Variants in GABRA1 observed in about 807,000 individuals in gnomAD.
GABRA1 encodes the protein gamma-aminobutyric acid receptor subunit alpha-1.
In GABRA1, 9 loss-of-function variants were observed where a neutral mutation model predicts 48.9. The observed-to-expected ratio is 0.18, with a 90% confidence interval of 0.11 to 0.32. The LOEUF (loss-of-function observed/expected upper bound fraction) is 0.32. Ranked by LOEUF, GABRA1 falls within the 10% of genes least tolerant of loss-of-function variation. The pLI, the probability that GABRA1 is intolerant of heterozygous loss-of-function variation, is 1.00. For synonymous variants in GABRA1, 210 were observed against 198.7 expected (o/e 1.06, Z -0.48); for missense variants, 285 against 553.8 (o/e 0.51, Z 4.87).
chr5:161,848,505 C>CGGGGGGGGGGG (rs35469580), intron 1 of GABRA1, 83 bp downstream of exon 1: 6 of 30,702 alleles, frequency 2.0e-4, no homozygotes, highest in African/African-American at 3.1e-4. Flanking sequence ...ATGTTATAGT[C>CGGGGGGGGGGG]GGGGGGGGGG....
rs774147411 is a variant in GABRA1, at chr5:161,875,656, T to C, written c.559+14T>C. ...AATTTGGAAGTTGTGAGTAAATTTA[T>C]ATGGACTTTTCTTGATTGTAAGTCA... On this transcript the variant is annotated intron_variant, in intron 6 of 9. Coordinates refer to ENST00000393943, the MANE Select transcript of GABRA1 (RefSeq NM_001127644.2). 6 of 1,576,726 alleles carry C rather than the reference T, an allele frequency of 3.8e-6. No homozygotes were observed. In the South Asian group the frequency reaches 6.6e-5, roughly 17 times the overall value.
intron 3 of GABRA1, among the ~76,000 whole-genome samples, chr5:161,864,078 G>A (rs772928885): frequency 6.6e-6 from 1 of 152,016 alleles, no homozygotes. Context: ...AGAGAGGAAA[G>A]TATAAGGAGG....
At chr5:161,855,420 A>G (rs568617494) in intron 3 of GABRA1, among the ~76,000 whole-genome samples, 22 of 151,662 alleles carry the variant, frequency 1.5e-4, no homozygotes, top group Admixed American at 5.3e-4. Flanking sequence ...CAACCCAAAT[A>G]TATGTCAAAG....
At chr5:161,895,980 CT>C (rs1364476004) in intron 9 of GABRA1, 112 bp downstream of exon 9, 3 of 911,776 alleles carry the variant, frequency 3.3e-6, no homozygotes, top group Admixed American at 1.8e-5. Flanking sequence ...AATAAGGATT[CT>C]TTTTTTCTTA....
intron 1 of GABRA1, 29 bp from the exon 2 acceptor site, chr5:161,850,767 C>T (rs751898261): frequency 6.5e-7 from 1 of 1,549,316 alleles, no homozygotes; most frequent in Non-Finnish European, 8.9e-7. Flanking sequence ...TTGCTAGAGA[C>T]ATTGATCTCT....
At chr5:161,882,092 T>C (rs954490696) in intron 6 of GABRA1, 2 of 187,412 alleles carry the variant, frequency 1.1e-5, no homozygotes, top group Admixed American at 5.4e-5. Flanking sequence ...TTTGTATAAA[T>C]GTTACCTCCT....
Position 161,863,727 on chromosome 5 carries a change from G to GT in GABRA1, c.188-1988dup, listed in dbSNP as rs139718781. Among the ~76,000 whole-genome samples, 124 of 151,664 alleles carry GT rather than the reference G, an allele frequency of 8.2e-4. 1 individual carries two copies. In the East Asian group the frequency reaches 0.019, roughly 23 times the overall value. On this transcript the variant is annotated intron_variant, in intron 3 of 9. Coordinates refer to ENST00000393943, the MANE Select transcript of GABRA1 (RefSeq NM_001127644.2). ...TTTACTTGTTTTCATGTCTTTCTGA[G>GT]TTTTTTAAACTTATATTTTGAAGCT...
At chr5:161,862,857 A>C (rs932780179) in intron 3 of GABRA1, among the ~76,000 whole-genome samples, 3 of 152,108 alleles carry the variant, frequency 2.0e-5, no homozygotes, top group Middle Eastern at 3.4e-3. Context: ...TTCATCCAAA[A>C]TGTAAGAATA....
At chr5:161,883,928 A>C (rs1489235799) in intron 7 of GABRA1, among the ~76,000 whole-genome samples, 1 of 151,940 alleles carries the variant, frequency 6.6e-6, no homozygotes, top group African/African-American at 2.4e-5. Context: ...TCTTATTTCA[A>C]ATCCAAGTGG....
chr5:161,873,603 C>T (rs1754219229), intron 5 of GABRA1, among the ~76,000 whole-genome samples: 1 of 152,124 alleles, frequency 6.6e-6, no homozygotes, highest in Non-Finnish European at 1.5e-5. Context: ...AACTTCCTCT[C>T]CCTACTATAA....
chr5:161,863,157 G>GTATA (rs142805282), intron 3 of GABRA1, among the ~76,000 whole-genome samples: 9 of 150,474 alleles, frequency 6.0e-5, no homozygotes, highest in African/African-American at 1.9e-4. Flanking sequence ...TAGTATTTGT[G>GTATA]TATATATATA....
In GABRA1 at chr5:161,869,006, A is replaced by G. The variant is rs1012927895; in HGVS notation, c.255+3218A>G. 3.9e-5 allele frequency among the ~76,000 whole-genome samples: 6 copies of G among 152,194 alleles called. No individual in the cohort carries two copies. In the South Asian group the frequency reaches 1.2e-3, roughly 32 times the overall value. ...GCTCTGTCAAATGATCAGATTAGCC[A>G]TAGGTCTGCCACTGGTTTGCTAGTA... On this transcript the variant is annotated intron_variant, in intron 4 of 9. Coordinates refer to ENST00000393943, the MANE Select transcript of GABRA1 (RefSeq NM_001127644.2).
chr5:161,858,230 G>A (rs180804344), intron 3 of GABRA1, among the ~76,000 whole-genome samples: 24 of 151,348 alleles, frequency 1.6e-4, no homozygotes, highest in South Asian at 4.2e-4. Flanking sequence ...CTCTTTGCCC[G>A]TATTATAATA....
chr5:161,881,217 C>T (rs1203329641), intron 6 of GABRA1, among the ~76,000 whole-genome samples: 1 of 152,118 alleles, frequency 6.6e-6, no homozygotes, highest in Non-Finnish European at 1.5e-5. Context: ...CCCTCAAAAA[C>T]ACTGGAAACA....
chr5:161,890,826 C>T lies in GABRA1; in HGVS notation c.704-72C>T, dbSNP rs182715978. On this transcript the variant is annotated intron_variant, in intron 7 of 9. Transcript: ENST00000393943. ...GTCTAATTCCCAGACCTTTGGTACT[C>T]ATAGTAAACCTCAGAGATTACCTTT... 3.8e-4 allele frequency: 520 copies of T among 1,366,082 alleles called. 2 individuals carry two copies. In the African/African-American group the frequency reaches 6.1e-3, roughly 16 times the overall value. 84.6% of individuals were successfully genotyped at this position (1,366,082 alleles called of 1,614,324 possible).
At chr5:161,880,665 T>C (rs1291751232) in intron 6 of GABRA1, among the ~76,000 whole-genome samples, 2 of 152,176 alleles carry the variant, frequency 1.3e-5, no homozygotes, top group Non-Finnish European at 2.9e-5. Context: ...GCAGAAGTGA[T>C]ATTGGAACTG....
intron 8 of GABRA1, among the ~76,000 whole-genome samples, chr5:161,892,417 G>A (rs942848818): frequency 6.6e-5 from 10 of 152,170 alleles, no homozygotes; most frequent in African/African-American, 2.4e-4. Context: ...CCAGAAACGT[G>A]TATTTTCTTC....
intron 6 of GABRA1, among the ~76,000 whole-genome samples, chr5:161,876,443 A>G (rs1754358242): frequency 6.6e-6 from 1 of 152,080 alleles, no homozygotes; most frequent in Non-Finnish European, 1.5e-5. Context: ...CAACTCCTGG[A>G]CTACCTAACC....
intron 3 of GABRA1, among the ~76,000 whole-genome samples, chr5:161,861,285 A>G (rs1456336489): frequency 6.6e-6 from 1 of 151,810 alleles, no homozygotes; most frequent in South Asian, 2.1e-4. Flanking sequence ...TACACCTACT[A>G]TGTTCTCACA....
Sources: gnomAD v4.1 joint callset for allele counts (sites outside exome capture counted in the v4.1 genomes callset) on GRCh38, gnomAD v4.1.1 for gene constraint, MANE v1.5 for transcripts, NCBI Gene and HGNC (gene_info 2026-07-23, HGNC 2026-07-21) for gene names.